RIMBP2: variants seen among roughly 807,000 people sequenced by gnomAD.
The protein encoded by RIMBP2 is RIMS-binding protein 2.
RIMBP2 carries 48 observed loss-of-function variants against 118.6 expected under a neutral mutation model. The ratio of observed to expected loss-of-function variants is 0.40; its 90% confidence interval spans 0.32 to 0.51. The LOEUF is 0.51. Among genes scored for constraint, RIMBP2 ranks in the 20% least tolerant of loss-of-function variants. The probability of loss-of-function intolerance (pLI) is 0.41; values close to 1 mark genes in which losing one functional copy is unlikely to be tolerated. For missense variants in RIMBP2, 1,551 were observed against 1,768.3 expected, an observed-to-expected ratio of 0.88 and a Z score of 2.20; for synonymous variants, 762 against 742.9, an observed-to-expected ratio of 1.03 and a Z score of -0.42.
chr12:130,695,473 G>T (rs1039828825), intron 1 of RIMBP2, among the ~76,000 whole-genome samples: 1 of 152,164 alleles, frequency 6.6e-6, no homozygotes, highest in African/African-American at 2.4e-5. Context: ...CAGGCATGCC[G>T]GCTCCCACCT....
At chr12:130,570,470 C>T (rs183096523) in intron 2 of RIMBP2, among the ~76,000 whole-genome samples, 28 of 152,228 alleles carry the variant, frequency 1.8e-4, no homozygotes, top group Admixed American at 1.2e-3. Context: ...AAGCTCTTTA[C>T]GGGAACAAAC....
intron 2 of RIMBP2, among the ~76,000 whole-genome samples, chr12:130,558,758 T>A (rs565633346): frequency 6.6e-6 from 1 of 152,262 alleles, no homozygotes; most frequent in Admixed American, 6.5e-5. Context: ...GTGAAAAGGG[T>A]GATGATGACC....
chr12:130,529,335 A>G (rs979456480), intron 2 of RIMBP2, among the ~76,000 whole-genome samples: 1 of 152,232 alleles, frequency 6.6e-6, no homozygotes, highest in Non-Finnish European at 1.5e-5. Flanking sequence ...ATGAACCTCA[A>G]AAACATCACA....
rs887995935 is a variant in RIMBP2 at position 130,525,157 on chromosome 12, G to A, written c.-216-7240C>T. Among the ~76,000 whole-genome samples, 4 of 152,220 alleles carry A rather than the reference G, an allele frequency of 2.6e-5. No individual in the cohort carries two copies. Among genetic ancestry groups the A allele is most frequent in the African/African-American group, 4.8e-5 (2 of 41,446 alleles). On this transcript the variant is annotated intron_variant, in intron 2 of 22. Coordinates refer to ENST00000690449, the MANE Select transcript of RIMBP2 (RefSeq NM_001393629.1). This position sits in a 1 kb window ranked among gnomAD's most constrained non-coding sequence, Gnocchi z 4.4. Reference sequence around the variant, plus strand: ...TGGGAGAAGCCCAAGCATCACAAATGGGCATGAGCCGTTCCTGTAGAGTGC... The same window carrying A: ...TGGGAGAAGCCCAAGCATCACAAATAGGCATGAGCCGTTCCTGTAGAGTGC...
At chr12:130,715,415 C>A (rs562162306) in intron 1 of RIMBP2, among the ~76,000 whole-genome samples, 1 of 152,300 alleles carries the variant, frequency 6.6e-6, no homozygotes, top group East Asian at 1.9e-4. Flanking sequence ...AGGAGGGAGG[C>A]TGCTTCCACC....
intron 1 of RIMBP2, among the ~76,000 whole-genome samples, chr12:130,671,793 C>T (rs79475573): frequency 0.02 from 2,985 of 150,536 alleles, 82 homozygotes; most frequent in African/African-American, 0.068. Flanking sequence ...GGTTGAGAAC[C>T]GCTGGTTTAA....
At chr12:130,399,559 A>C in intron 22 of RIMBP2, 120 bp downstream of exon 22, 1 of 1,195,382 alleles carries the variant, frequency 8.4e-7, no homozygotes, top group Non-Finnish European at 1.2e-6. Flanking sequence ...CAGAGAAAAA[A>C]AATTCAGGGT....
intron 4 of RIMBP2, among the ~76,000 whole-genome samples, chr12:130,482,004 G>A (rs1324234887): frequency 5.3e-5 from 8 of 151,548 alleles, no homozygotes; most frequent in Middle Eastern, 3.4e-3. Flanking sequence ...TACATTGCAG[G>A]GCATTTTTAG....
rs576582397 is a variant in RIMBP2 at position 130,603,876 on chromosome 12, G to A, written c.-217+24446C>T. 4.6e-5 allele frequency among the ~76,000 whole-genome samples: 7 copies of A among 152,316 alleles called. No individual in the cohort carries two copies. In the East Asian group the frequency reaches 1.4e-3, roughly 29 times the overall value. On this transcript the variant is annotated intron_variant, in intron 2 of 22. Transcript: ENST00000690449. Reference sequence around the variant, plus strand: ...TTGATACGTGATAATAAGCAACTATGTCACTCGCTTAGATATCTCACTATG... The same window carrying A: ...TTGATACGTGATAATAAGCAACTATATCACTCGCTTAGATATCTCACTATG...
chr12:130,496,311 C>G (rs949156404), intron 4 of RIMBP2, among the ~76,000 whole-genome samples: 1 of 152,178 alleles, frequency 6.6e-6, no homozygotes, highest in Non-Finnish European at 1.5e-5. Context: ...CCTGCTCCCA[C>G]GTGACACATG....
chr12:130,439,211 T>C (rs2077808630), intron 11 of RIMBP2, among the ~76,000 whole-genome samples: 1 of 151,880 alleles, frequency 6.6e-6, no homozygotes, highest in Non-Finnish European at 1.5e-5. Context: ...TATGTGTATA[T>C]GTGGATGTGT....
intron 1 of RIMBP2, among the ~76,000 whole-genome samples, chr12:130,709,776 G>A (rs570084388): frequency 1.5e-4 from 23 of 149,208 alleles, no homozygotes; most frequent in Admixed American, 2.7e-4. Flanking sequence ...TTCCCATCGC[G>A]GACACACACT....
intron 4 of RIMBP2, among the ~76,000 whole-genome samples, chr12:130,492,805 G>A (rs546874222): frequency 9.2e-5 from 14 of 152,164 alleles, no homozygotes; most frequent in Admixed American, 2.0e-4. Context: ...CTAGGTTGTC[G>A]CAAGAATGAG....
intron 2 of RIMBP2, among the ~76,000 whole-genome samples, chr12:130,538,693 C>T (rs1310313185): frequency 6.6e-6 from 1 of 152,058 alleles, no homozygotes; most frequent in Admixed American, 6.5e-5. Flanking sequence ...ATCAATAGAG[C>T]GAGTCACGAG....
At chr12:130,682,668 G>A (rs763634793) in intron 1 of RIMBP2, among the ~76,000 whole-genome samples, 23 of 152,212 alleles carry the variant, frequency 1.5e-4, no homozygotes, top group East Asian at 3.8e-4. Context: ...GTGGGCAGAC[G>A]ATCGATTTCC....
At chr12:130,418,923 A>C (rs889935638) in intron 17 of RIMBP2, among the ~76,000 whole-genome samples, 5 of 152,142 alleles carry the variant, frequency 3.3e-5, no homozygotes, top group Non-Finnish European at 7.3e-5. Context: ...TCCCCCAACG[A>C]AGGCTCCTTC....
chr12:130,488,254 C>T (rs914635511), intron 4 of RIMBP2, among the ~76,000 whole-genome samples: 2 of 151,950 alleles, frequency 1.3e-5, no homozygotes, highest in Non-Finnish European at 2.9e-5. Context: ...GAGTTAGTCA[C>T]GCAGCTATAA....
At chr12:130,664,439 G>GCACGCA (rs1566439209) in intron 1 of RIMBP2, among the ~76,000 whole-genome samples, 28 of 123,508 alleles carry the variant, frequency 2.3e-4, no homozygotes, top group East Asian at 1.7e-3. Context: ...ATGCATGCAC[G>GCACGCA]CACACACGCA....
chr12:130,529,658 A>C (rs1354157605), intron 2 of RIMBP2, among the ~76,000 whole-genome samples: 3 of 152,026 alleles, frequency 2.0e-5, no homozygotes, highest in African/African-American at 7.3e-5. Flanking sequence ...ATACCACCCA[A>C]CCTCCCAGCA....
Sources: allele counts gnomAD v4.1 joint callset (sites outside exome capture counted in the v4.1 genomes callset), GRCh38; gene constraint gnomAD v4.1.1; non-coding constraint Gnocchi (gnomAD v3.1); transcripts MANE v1.5; gene names NCBI Gene and HGNC (gene_info 2026-07-23, HGNC 2026-07-21).